Variants in CTNNA2 observed in about 807,000 individuals in gnomAD.
CTNNA2 encodes catenin alpha 2, also known as catenin alpha-2.
In CTNNA2, 42 loss-of-function variants were observed where a neutral mutation model predicts 101.0. The observed-to-expected ratio is 0.42, with a 90% CI of 0.32 to 0.54. The LOEUF is 0.54. CTNNA2 is among the 20% of genes least tolerant of loss of function. The pLI is 0.14. For synonymous variants in CTNNA2, 450 were observed against 456.4 expected (o/e 0.99, Z 0.18); for missense variants, 871 against 1,223.1 (o/e 0.71, Z 4.29).
At chr2:80,116,902 AGTGTGTGTGTGTGT>A (rs112383959) in intron 7 of CTNNA2, among the ~76,000 whole-genome samples, 11 of 143,622 alleles carry the variant, frequency 7.7e-5, no homozygotes, top group Non-Finnish European at 1.5e-4. Flanking sequence ...AGAAGAAAAT[AGTGTGTGTGTGTGT>A]GTGTGTGTGT....
intron 7 of CTNNA2, among the ~76,000 whole-genome samples, chr2:80,370,703 T>C (rs1675361918): frequency 6.6e-6 from 1 of 152,178 alleles, no homozygotes; most frequent in Non-Finnish European, 1.5e-5. Context: ...GATAAAGATA[T>C]TCTGGCTTTT....
chr2:80,236,188 C>T (rs978471166), intron 7 of CTNNA2, among the ~76,000 whole-genome samples: 1 of 152,182 alleles, frequency 6.6e-6, no homozygotes, highest in Non-Finnish European at 1.5e-5. Context: ...ATATGTACCA[C>T]ATTTTCTTTA....
At chr2:79,375,589 A>G (rs567425419) in intron 4 of CTNNA2, among the ~76,000 whole-genome samples, 2 of 152,280 alleles carry the variant, frequency 1.3e-5, no homozygotes, top group East Asian at 3.9e-4. Flanking sequence ...AATGTTATAG[A>G]CTAATGAAGA....
At chr2:79,920,620 C>A (rs1051852029) in intron 7 of CTNNA2, among the ~76,000 whole-genome samples, 1 of 152,310 alleles carries the variant, frequency 6.6e-6, no homozygotes, top group Non-Finnish European at 1.5e-5. Flanking sequence ...AATGATTGAT[C>A]TTCTTTCTCT....
At chr2:80,607,123 T>C (rs1170601567) in intron 16 of CTNNA2, among the ~76,000 whole-genome samples, 2 of 151,916 alleles carry the variant, frequency 1.3e-5, no homozygotes, top group Non-Finnish European at 2.9e-5. Flanking sequence ...GATAAAAGAA[T>C]TTCCTTTCTT....
intron 3 of CTNNA2, among the ~76,000 whole-genome samples, chr2:79,786,135 G>A (rs1360789814): frequency 6.6e-6 from 1 of 150,494 alleles, no homozygotes; most frequent in East Asian, 2.0e-4. Flanking sequence ...ACACTAACAA[G>A]TGCTTCAGTG....
intron 2 of CTNNA2, among the ~76,000 whole-genome samples, chr2:79,274,554 T>A (rs1355468718): frequency 6.6e-6 from 1 of 152,102 alleles, no homozygotes. Context: ...ACTTCTCTAA[T>A]GTTTTACTAT....
At chr2:80,258,105 CAGAT>C (rs1471538634) in intron 7 of CTNNA2, among the ~76,000 whole-genome samples, 1 of 152,148 alleles carries the variant, frequency 6.6e-6, no homozygotes, top group Non-Finnish European at 1.5e-5. Context: ...ATGTTTCTAA[CAGAT>C]GGATGTAAAG....
At chr2:80,113,715 G>A (rs1410806126) in intron 7 of CTNNA2, among the ~76,000 whole-genome samples, 1 of 152,144 alleles carries the variant, frequency 6.6e-6, no homozygotes, top group Non-Finnish European at 1.5e-5. Context: ...TGGGACCCTT[G>A]CATTCAGTTA....
At position 79,597,151 on chromosome 2, in the gene CTNNA2, TTC is replaced by T. The variant is rs199807904; in HGVS notation, c.-5-54397_-5-54396del. Among the ~76,000 whole-genome samples, 1,068 of 152,294 alleles carry T rather than the reference TTC, an allele frequency of 7.0e-3. 11 individuals carry two copies. The highest frequency in any genetic ancestry group is 7.2e-3 in the Non-Finnish European group (488 of 68,016). ...CTTTTGTGTGTGAACAACTGAAACA[TTC>T]TCTGTTTGTTTTCGCCTTAGAAATA... On this transcript the variant is annotated intron_variant, in intron 1 of 18. Transcript: ENST00000402739.
At chr2:80,004,370 C>T (rs1693178584) in intron 7 of CTNNA2, among the ~76,000 whole-genome samples, 1 of 151,998 alleles carries the variant, frequency 6.6e-6, no homozygotes, top group Admixed American at 6.6e-5. Context: ...GACTAGTCCT[C>T]AAAGGACCCA....
At chr2:80,009,529 A>C (rs1693616660) in intron 7 of CTNNA2, among the ~76,000 whole-genome samples, 1 of 152,216 alleles carries the variant, frequency 6.6e-6, no homozygotes, top group Non-Finnish European at 1.5e-5. Context: ...CAAAACACAC[A>C]GGCATGCACA....
Position 80,297,066 on chromosome 2 carries a change from C to T in CTNNA2, c.1057-96145C>T, listed in dbSNP as rs189079186. On this transcript the variant is annotated intron_variant, in intron 7 of 18. Coordinates refer to ENST00000402739, the MANE Select transcript of CTNNA2 (RefSeq NM_001282597.3). ...CTGGCCATTTCTTCTCCTGGAACCCCGGAGAAGTCTCCTCTATTGGCAGAG... is the reference window on the plus strand; with the variant it reads ...CTGGCCATTTCTTCTCCTGGAACCCTGGAGAAGTCTCCTCTATTGGCAGAG... Among the ~76,000 whole-genome samples, 48 of 152,276 alleles carry T rather than the reference C, an allele frequency of 3.2e-4. No homozygotes were observed. The East Asian group carries it at 6.6e-3, about 21-fold the overall frequency.
chr2:79,864,550 A>G (rs1257576268), intron 4 of CTNNA2, among the ~76,000 whole-genome samples: 1 of 152,236 alleles, frequency 6.6e-6, no homozygotes, highest in African/African-American at 2.4e-5. Context: ...AGAAGGAATT[A>G]GAAGAGGAAC....
At chr2:79,234,947 C>T (rs1286214985) in intron 2 of CTNNA2, among the ~76,000 whole-genome samples, 1 of 152,078 alleles carries the variant, frequency 6.6e-6, no homozygotes, top group Non-Finnish European at 1.5e-5. Context: ...TACTGGATTC[C>T]TTGGATTGGG....
At chr2:80,140,599 T>A (rs796634004) in intron 7 of CTNNA2, among the ~76,000 whole-genome samples, 19 of 152,270 alleles carry the variant, frequency 1.2e-4, no homozygotes, top group African/African-American at 4.6e-4. Flanking sequence ...TATAATTACA[T>A]GCAGTCATAA....
intron 9 of CTNNA2, among the ~76,000 whole-genome samples, chr2:80,542,561 A>G (rs759051310): frequency 2.0e-5 from 3 of 151,910 alleles, no homozygotes; most frequent in African/African-American, 4.8e-5. Flanking sequence ...CCATTATTTC[A>G]TTAAGCGTGT....
At chr2:79,918,718 A>G (rs1686432838) in intron 7 of CTNNA2, among the ~76,000 whole-genome samples, 1 of 152,184 alleles carries the variant, frequency 6.6e-6, no homozygotes, top group Non-Finnish European at 1.5e-5. Context: ...TACTTGGTAG[A>G]AGCAAATACT....
At chr2:80,126,256 C>T (rs1207635429) in intron 7 of CTNNA2, among the ~76,000 whole-genome samples, 2 of 152,098 alleles carry the variant, frequency 1.3e-5, no homozygotes, top group Non-Finnish European at 2.9e-5. Flanking sequence ...AGCTCAGCAT[C>T]ACAAGTGTTA....
Sources: allele counts gnomAD v4.1 joint callset (sites outside exome capture counted in the v4.1 genomes callset), GRCh38; gene constraint gnomAD v4.1.1; transcripts MANE v1.5; gene names NCBI Gene and HGNC (gene_info 2026-07-23, HGNC 2026-07-21).